PRPF18: variants seen among roughly 807,000 people sequenced by gnomAD.
PRPF18 encodes pre-mRNA processing factor 18, also known as pre-mRNA-splicing factor 18.
Under a neutral mutation model 46.5 loss-of-function variants are expected in PRPF18, and 38 were observed. The ratio of observed to expected loss-of-function variants is 0.82; its 90% CI spans 0.63 to 1.07. PRPF18 has a LOEUF of 1.07. Ranked by LOEUF, PRPF18 falls within the 50% of genes least tolerant of loss-of-function variation. The pLI, the probability that PRPF18 is intolerant of heterozygous loss-of-function variation, is 0.00. For synonymous variants in PRPF18, 152 were observed against 146.7 expected, an observed-to-expected ratio of 1.04 and a Z score of -0.26; for missense variants, 263 against 410.0, an observed-to-expected ratio of 0.64 and a Z score of 3.10.
chr10:13,643,715 T>A, the PRPF18 span: 2 of 152,686 alleles, frequency 1.3e-5, no homozygotes, highest in Admixed American at 1.3e-4. Flanking sequence ...ATCTTTTCAT[T>A]TTGAAAATGC....
intron 8 of PRPF18, 116 bp from the exon 9 acceptor site, chr10:13,616,282 G>A: frequency 1.9e-6 from 2 of 1,066,518 alleles, no homozygotes; most frequent in Non-Finnish European, 2.7e-6. Context: ...TATTTTCCAT[G>A]TGCCCAAAAG....
At chr10:13,626,005 A>G (rs1181571067) in intron 9 of PRPF18, among the ~76,000 whole-genome samples, 1 of 152,218 alleles carries the variant, frequency 6.6e-6, no homozygotes, top group Admixed American at 6.5e-5. Context: ...TATGAGATGG[A>G]CACTCACATT....
At position 13,600,284 on chromosome 10, in the gene PRPF18, CGAATCCAGTGTTA is replaced by C; in HGVS notation, c.189_201del (p.Pro64LeufsTer10). 6.2e-7 allele frequency: 1 copy of C among 1,612,368 alleles called. No homozygotes were observed. The highest frequency in any genetic ancestry group is 8.5e-7 in the Non-Finnish European group (1 of 1,179,228). ...GAGGACCAGAAACCATTAACTTCAT[CGAATCCAGTGTTA>C]GAACTTGAACTGGCAGAGGAAAAAT... On this transcript the variant is annotated frameshift_variant, in exon 3 of 10. Coordinates refer to ENST00000378572, the MANE Select transcript of PRPF18 (RefSeq NM_003675.4). LOFTEE classifies it high-confidence loss of function.
At chr10:13,647,732 C>CTTTTTTTT in the PRPF18 span, 1 of 138,894 alleles carries the variant, frequency 7.2e-6, no homozygotes, top group Non-Finnish European at 1.5e-5. Context: ...AAATAAAAGG[C>CTTTTTTTT]TTTTTTTTTT....
At chr10:13,621,607 C>T (rs576124989) in intron 9 of PRPF18, among the ~76,000 whole-genome samples, 23 of 152,264 alleles carry the variant, frequency 1.5e-4, no homozygotes, top group Admixed American at 3.9e-4. Flanking sequence ...TTTGTAACAT[C>T]CTCGAAACTA....
At chr10:13,623,208 GAA>G (rs34550515) in intron 9 of PRPF18, among the ~76,000 whole-genome samples, 4 of 141,924 alleles carry the variant, frequency 2.8e-5, no homozygotes, top group African/African-American at 1.0e-4. Flanking sequence ...CTCAAAAAAA[GAA>G]AAAAAAAAAA....
downstream of PRPF18, among the ~76,000 whole-genome samples, chr10:13,633,149 T>C (rs2080605163): frequency 6.6e-6 from 1 of 152,106 alleles, no homozygotes; most frequent in Non-Finnish European, 1.5e-5. Flanking sequence ...CCAAAGATAA[T>C]TGACATGTGG....
the PRPF18 span, chr10:13,654,334 C>T: frequency 1.1e-6 from 1 of 923,594 alleles, no homozygotes; most frequent in Non-Finnish European, 1.8e-6. Flanking sequence ...CATTTACTGA[C>T]ATATCCTTAT....
At position 13,610,044 on chromosome 10, in the gene PRPF18, G is replaced by C; in HGVS notation, c.369G>C (p.Leu123Phe). The C allele has an allele frequency of 6.2e-7, 1 of 1,608,280 alleles. No homozygotes were observed. The highest frequency in any genetic ancestry group is 8.5e-7 in the Non-Finnish European group (1 of 1,175,588). ...EILTPEVNKG[L>F]RNDLKAALDK... is the part of the protein sequence containing the mutation. Reference sequence around the variant, plus strand: ...CCTTTTTTTGCTTTTCTTAGGGATTGAGGAATGATTTGAAAGCAGCCTTGG... The same window carrying C: ...CCTTTTTTTGCTTTTCTTAGGGATTCAGGAATGATTTGAAAGCAGCCTTGG... The change falls in exon 5 of 10, where the codon TTG (leucine) becomes TTC (phenylalanine). Residue 123 changes from leucine (L) to phenylalanine (F), a missense_variant. Around this residue, in one of 4 missense-constraint regions of PRPF18, gnomAD observed 155 missense variants for 245.1 expected, o/e 0.63. Coordinates refer to ENST00000378572, the MANE Select transcript of PRPF18 (RefSeq NM_003675.4).
the PRPF18 span, chr10:13,651,876 G>T: frequency 1.7e-6 from 2 of 1,165,748 alleles, no homozygotes; most frequent in Non-Finnish European, 2.6e-6. Flanking sequence ...CTCATGGGCA[G>T]TAGGAACAAA....
chr10:13,625,179 A>G (rs2080483145), intron 9 of PRPF18, among the ~76,000 whole-genome samples: 1 of 152,052 alleles, frequency 6.6e-6, no homozygotes, highest in African/African-American at 2.4e-5. Context: ...AAAATAAAAA[A>G]TTTAGCTGGA....
the PRPF18 span, chr10:13,642,793 G>A: frequency 6.6e-6 from 1 of 152,302 alleles, no homozygotes; most frequent in Non-Finnish European, 1.5e-5. Flanking sequence ...GGAGGCTTCA[G>A]GCTCTCCCAC....
chr10:13,602,410 G>C (rs914111010), intron 3 of PRPF18, among the ~76,000 whole-genome samples: 2 of 152,012 alleles, frequency 1.3e-5, no homozygotes, highest in East Asian at 3.9e-4. Flanking sequence ...GTATGTATCA[G>C]ATGTACATAG....
At position 13,610,168 on chromosome 10, in the gene PRPF18, A is replaced by G. The variant is rs2080250202; in HGVS notation, c.493A>G (p.Thr165Ala). ...TCTGAAAGTTCATGAGGAAAACACC[A>G]CAATTGAAGAGTTAGAGGTAATCTC... ...NDLKVHEENT[T>A]IEELEALGES... The change falls in exon 5 of 10, where the codon ACA (threonine) becomes GCA (alanine). Residue 165 changes from threonine to alanine, a missense_variant. By Grantham distance (58) the Thr-to-Ala change is moderately conservative. Around this residue, in one of 4 missense-constraint regions of PRPF18, gnomAD observed 155 missense variants for 245.1 expected, o/e 0.63. Coordinates refer to ENST00000378572, the MANE Select transcript of PRPF18 (RefSeq NM_003675.4). 1 of 1,613,940 alleles carries G rather than the reference A, an allele frequency of 6.2e-7. No homozygotes were observed. Among genetic ancestry groups the G allele is most frequent in the Non-Finnish European group, 8.5e-7 (1 of 1,179,942 alleles).
intron 9 of PRPF18, among the ~76,000 whole-genome samples, chr10:13,620,070 T>G (rs1237464135): frequency 1.3e-5 from 2 of 152,122 alleles, no homozygotes; most frequent in Admixed American, 1.3e-4. Context: ...CTCTTGTTAC[T>G]TTGGTATCTG....
intron 1 of PRPF18, chr10:13,592,252 A>G (rs1298966734): frequency 3.7e-6 from 2 of 533,548 alleles, no homozygotes; most frequent in African/African-American, 2.0e-5. Context: ...TCACCTTGTC[A>G]CCAGCCTCAG....
intron 9 of PRPF18, among the ~76,000 whole-genome samples, chr10:13,619,222 G>A (rs538074413): frequency 6.6e-6 from 1 of 152,342 alleles, no homozygotes; most frequent in African/African-American, 2.4e-5. Context: ...TGGCCCAGGG[G>A]TTGGGGACTT....
At chr10:13,611,497 T>C (rs577261280) in intron 5 of PRPF18, 118 bp from the exon 6 acceptor site, 3 of 767,464 alleles carry the variant, frequency 3.9e-6, no homozygotes, top group Non-Finnish European at 4.1e-6. Context: ...ATCCGATTTT[T>C]AAGTAAAAAT....
At chr10:13,611,576 C>T (rs1257684528) in intron 5 of PRPF18, 39 bp from the exon 6 acceptor site, 2 of 1,541,586 alleles carry the variant, frequency 1.3e-6, no homozygotes, top group Admixed American at 1.7e-5. Context: ...AGTTGTTGCT[C>T]TGTATTAATG....
Sources: gnomAD v4.1 joint callset for allele counts (sites outside exome capture counted in the v4.1 genomes callset) on GRCh38, gnomAD v4.1.1 for gene constraint, gnomAD v4.1.1 regional missense constraint, MANE v1.5 for transcripts, NCBI Gene and HGNC (gene_info 2026-07-23, HGNC 2026-07-21) for gene names.